COL4A1: variants seen among roughly 807,000 people sequenced by gnomAD.
COL4A1 encodes the protein collagen alpha-1(IV) chain.
Under a neutral mutation model 216.6 loss-of-function variants are expected in COL4A1, and 40 were observed. The ratio of observed to expected loss-of-function variants is 0.18; its 90% CI spans 0.14 to 0.24. COL4A1 has a LOEUF of 0.24. Among genes scored for constraint, COL4A1 ranks in the 10% least tolerant of loss-of-function variants. The pLI is 1.00. For synonymous variants in COL4A1, 839 were observed against 810.7 expected, an observed-to-expected ratio of 1.03 and a Z score of -0.59; for missense variants, 1,628 against 2,196.8, an observed-to-expected ratio of 0.74 and a Z score of 5.18.
intron 43 of COL4A1, among the ~76,000 whole-genome samples, chr13:110,169,121 A>G (rs1046201779): frequency 6.6e-6 from 1 of 151,968 alleles, no homozygotes; most frequent in African/African-American, 2.4e-5. Flanking sequence ...AGGCTTGTCT[A>G]AGTCACCACT....
rs963054059 is a variant in COL4A1, at chr13:110,209,500, G to A, written c.616-73C>T. The A allele has an allele frequency of 1.4e-5, 15 of 1,050,792 alleles. No individual in the cohort carries two copies. The East Asian group carries it at 1.9e-4, about 13-fold the overall frequency. The allele number at this position is 1,050,792 out of a possible 1,614,324, so 65.1% of individuals were successfully genotyped here. A position where few individuals can be genotyped will look rare whatever the true frequency, so the allele number is the denominator to read the frequency against. ...GCTTTAAGCCCTTCTTCAGGCTGAC[G>A]TTATCTTAAGATTCTCTGGTCAACA... On this transcript the variant is annotated intron_variant, in intron 10 of 51. Coordinates refer to ENST00000375820, the MANE Select transcript of COL4A1 (RefSeq NM_001845.6).
intron 1 of COL4A1, among the ~76,000 whole-genome samples, chr13:110,243,738 G>A (rs1351607780): frequency 1.3e-5 from 2 of 152,202 alleles, no homozygotes; most frequent in Non-Finnish European, 2.9e-5. Context: ...CAGGTGCCAC[G>A]CACAGTCAGC....
rs566217972 is a variant in COL4A1 at position 110,220,728 on chromosome 13, G to A, written c.145-6713C>T. 1.7e-4 allele frequency among the ~76,000 whole-genome samples: 26 copies of A among 152,258 alleles called. 1 individual carries two copies. The South Asian group carries it at 4.6e-3, about 27-fold the overall frequency. ...GGTTCTGACTACTCCCAAGGCTGCC[G>A]ATGATGGAGATGAGCAAATCTGTGT... is the stretch of plus-strand genomic sequence containing the variant. On this transcript the variant is annotated intron_variant, in intron 2 of 51. Transcript: ENST00000375820.
intron 2 of COL4A1, among the ~76,000 whole-genome samples, chr13:110,219,842 ATG>A (rs1185566795): frequency 3.5e-4 from 19 of 54,812 alleles, no homozygotes; most frequent in South Asian, 2.1e-3. Flanking sequence ...GTATGTATAT[ATG>A]TGTATATATA....
At position 110,162,445 on chromosome 13, in the gene COL4A1, G is replaced by A. The variant is rs994942485; in HGVS notation, c.4250-3C>T. 1 of 1,611,116 alleles carries A rather than the reference G, an allele frequency of 6.2e-7. No homozygotes were observed. Among genetic ancestry groups the A allele is most frequent in the Middle Eastern group, 1.7e-4 (1 of 5,824 alleles). On this transcript the variant is annotated splice_polypyrimidine_tract_variant and splice_region_variant and intron_variant, in intron 47 of 51. Transcript: ENST00000375820. ...TGGACCTGGAAATCCTCTTGGACCT[G>A]GAAGATAGGAGACAAATTAGTTTCC...
intron 1 of COL4A1, among the ~76,000 whole-genome samples, chr13:110,271,043 T>C (rs1392316548): frequency 1.3e-5 from 2 of 152,102 alleles, no homozygotes; most frequent in Admixed American, 1.3e-4. Flanking sequence ...TTGGAGATGA[T>C]TTGAAAAACA....
At chr13:110,151,168 C>T (rs557686466) in intron 51 of COL4A1, among the ~76,000 whole-genome samples, 4 of 152,250 alleles carry the variant, frequency 2.6e-5, no homozygotes, top group Non-Finnish European at 4.4e-5. Flanking sequence ...GAGAGTGCCT[C>T]ATCCTAAAAT....
chr13:110,247,190 G>C (rs1051987070), intron 1 of COL4A1, among the ~76,000 whole-genome samples: 2 of 152,152 alleles, frequency 1.3e-5, no homozygotes, highest in African/African-American at 2.4e-5. Flanking sequence ...GTGGCCTACA[G>C]AGTATAATAA....
intron 49 of COL4A1, among the ~76,000 whole-genome samples, chr13:110,158,778 T>C (rs1350624231): frequency 2.7e-5 from 4 of 148,968 alleles, no homozygotes; most frequent in African/African-American, 1.0e-4. Flanking sequence ...GTTTTGCTCT[T>C]GTCGCCTAGG....
At chr13:110,270,983 C>A (rs1883226426) in intron 1 of COL4A1, among the ~76,000 whole-genome samples, 1 of 152,088 alleles carries the variant, frequency 6.6e-6, no homozygotes, top group South Asian at 2.1e-4. Context: ...AATGACAGCA[C>A]GTGTCACAAA....
At chr13:110,251,111 G>A (rs1403081934) in intron 1 of COL4A1, among the ~76,000 whole-genome samples, 3 of 152,090 alleles carry the variant, frequency 2.0e-5, no homozygotes, top group African/African-American at 4.8e-5. Flanking sequence ...AGACAGGCAC[G>A]AAAAAAGACG....
intron 1 of COL4A1, among the ~76,000 whole-genome samples, chr13:110,253,454 ATATGTAT>A (rs1882321757): frequency 2.8e-5 from 1 of 35,364 alleles, no homozygotes; most frequent in East Asian, 6.4e-4. Flanking sequence ...ACATATAATT[ATATGTAT>A]TACATATACA....
intron 49 of COL4A1, 150 bp downstream of exon 49, chr13:110,161,041 AG>A (rs1200984735): frequency 1.2e-6 from 1 of 865,412 alleles, no homozygotes; most frequent in Non-Finnish European, 1.8e-6. Context: ...TTTTTATGGT[AG>A]ATTTCCATTA....
rs900536722 is a variant in COL4A1 at position 110,211,007 on chromosome 13, G to T, written c.468+640C>A. Among the ~76,000 whole-genome samples the T allele has an allele frequency of 6.6e-5, 10 of 152,106 alleles. No individual in the cohort carries two copies. The highest frequency in any genetic ancestry group is 1.3e-4 in the Non-Finnish European group (9 of 68,018). On this transcript the variant is annotated intron_variant, in intron 8 of 51. Coordinates refer to ENST00000375820, the MANE Select transcript of COL4A1 (RefSeq NM_001845.6). The surrounding 1 kb of genome is among the most constrained non-coding windows in gnomAD (Gnocchi z 4.3). ...CTGGCCACACACACACATGCTCCTG[G>T]TTCTGTGTCTCTGGAGCATGCTAAC...
intron 1 of COL4A1, among the ~76,000 whole-genome samples, chr13:110,263,941 G>A (rs1882925560): frequency 6.6e-6 from 1 of 152,154 alleles, no homozygotes; most frequent in South Asian, 2.1e-4. Flanking sequence ...GAAAAAAGTA[G>A]GCCAGCATTT....
intron 2 of COL4A1, among the ~76,000 whole-genome samples, chr13:110,218,818 G>A (rs754114295): frequency 5.3e-5 from 8 of 152,172 alleles, no homozygotes; most frequent in Non-Finnish European, 8.8e-5. Context: ...CTAGCGCCTC[G>A]AGATTTCCAT....
chr13:110,279,108 GT>G (rs1178706691), intron 1 of COL4A1, among the ~76,000 whole-genome samples: 2 of 152,070 alleles, frequency 1.3e-5, no homozygotes, highest in African/African-American at 4.8e-5. Context: ...ATGTCCTACT[GT>G]TTTTTATGTT....
Position 110,174,468 on chromosome 13 carries a change from G to T in COL4A1, c.3384C>A (p.Ile1128=), listed in dbSNP as rs1383843675. 1 of 1,613,992 alleles carries T rather than the reference G, an allele frequency of 6.2e-7. No individual in the cohort carries two copies. The highest frequency in any genetic ancestry group is 1.7e-5 in the Admixed American group (1 of 60,008). The change falls in exon 39 of 52, where the codon ATC becomes ATA. Residue 1128 remains isoleucine, a synonymous_variant. Coordinates refer to ENST00000375820, the MANE Select transcript of COL4A1 (RefSeq NM_001845.6). ...TACCTGCTTCTCCTTTGACACCAGG[G>T]ATGCCATCCAATCCTGGGAGGCCTT... The part of the protein sequence containing the change: ...GDKGLPGLDG[I]PGVKGEAGLP...
intron 1 of COL4A1, among the ~76,000 whole-genome samples, chr13:110,276,976 G>T (rs1883455293): frequency 6.6e-6 from 1 of 152,204 alleles, no homozygotes; most frequent in Non-Finnish European, 1.5e-5. Context: ...TAAAAGCAGG[G>T]ACCCACTGGG....
Sources: allele counts gnomAD v4.1 joint callset (sites outside exome capture counted in the v4.1 genomes callset), GRCh38; gene constraint gnomAD v4.1.1; non-coding constraint Gnocchi (gnomAD v3.1); transcripts MANE v1.5; gene names NCBI Gene and HGNC (gene_info 2026-07-23, HGNC 2026-07-21).